Variants in SNX4 observed in about 807,000 individuals in gnomAD.
SNX4 encodes the protein sorting nexin-4.
SNX4 carries 49 observed loss-of-function variants against 70.8 expected under a neutral mutation model. That is an observed-to-expected ratio of 0.69 (90% CI 0.55 to 0.88). The LOEUF is 0.88. Ranked by LOEUF, SNX4 falls within the 40% of genes least tolerant of loss-of-function variation. The probability of loss-of-function intolerance (pLI) is 0.00; values close to 1 mark genes in which losing one functional copy is unlikely to be tolerated. For synonymous variants in SNX4, 206 were observed against 183.8 expected (o/e 1.12, Z -0.98); for missense variants, 528 against 544.8 (o/e 0.97, Z 0.31).
chr3:125,498,446 A>AG (rs1393131844), intron 2 of SNX4, among the ~76,000 whole-genome samples: 1 of 152,152 alleles, frequency 6.6e-6, no homozygotes, highest in Non-Finnish European at 1.5e-5. Flanking sequence ...CAGCCTCCTG[A>AG]GTAGCTGGGA....
In SNX4 at chr3:125,495,277, T is replaced by TATATATATATATATATATACACACAC; in HGVS notation, c.597+2063_597+2064insGTGTGTGTATATATATATATATATAT. ...ATATATATATATATATATATATATA[T>TATATATATATATATATATACACACAC]ACACATACACACACACACACGTATG... On this transcript the variant is annotated intron_variant, in intron 5 of 13. Transcript: ENST00000251775. Among the ~76,000 whole-genome samples the TATATATATATATATATATACACACAC allele has an allele frequency of 9.0e-5, 9 of 99,608 alleles. No individual in the cohort carries two copies. In the Admixed American group the frequency reaches 9.9e-4, roughly 11 times the overall value. The allele number at this position is 99,608 out of a possible 152,430, so 65.3% of individuals were successfully genotyped here.
At chr3:125,477,768 G>A (rs1352735113) in intron 7 of SNX4, among the ~76,000 whole-genome samples, 1 of 152,154 alleles carries the variant, frequency 6.6e-6, no homozygotes. Flanking sequence ...GTACCCACTA[G>A]ACTAGGGGTT....
At chr3:125,515,910 T>TA (rs1157440019) in intron 1 of SNX4, among the ~76,000 whole-genome samples, 10 of 152,280 alleles carry the variant, frequency 6.6e-5, no homozygotes, top group Admixed American at 6.5e-4. Flanking sequence ...AGTATGATTT[T>TA]ATCATCTGCT....
At chr3:125,477,137 T>A (rs1934305605) in intron 7 of SNX4, among the ~76,000 whole-genome samples, 1 of 152,176 alleles carries the variant, frequency 6.6e-6, no homozygotes, top group South Asian at 2.1e-4. Flanking sequence ...ATTCAGTTAT[T>A]CTTAATTTTT....
chr3:125,448,188 A>G (rs1440264824), intron 13 of SNX4, among the ~76,000 whole-genome samples: 1 of 151,514 alleles, frequency 6.6e-6, no homozygotes, highest in Non-Finnish European at 1.5e-5. Context: ...GCTGGAGTAT[A>G]ATCATGGCTC....
At chr3:125,482,906 T>C (rs1934446890) in intron 6 of SNX4, among the ~76,000 whole-genome samples, 1 of 152,086 alleles carries the variant, frequency 6.6e-6, no homozygotes, top group Non-Finnish European at 1.5e-5. Flanking sequence ...TCTCCCTTTA[T>C]ATCCAAGATG....
chr3:125,494,789 A>G (rs1345789757), intron 5 of SNX4, among the ~76,000 whole-genome samples: 1 of 152,130 alleles, frequency 6.6e-6, no homozygotes, highest in Non-Finnish European at 1.5e-5. Flanking sequence ...TGAGGCCTCC[A>G]GTTAACCATT....
At chr3:125,476,333 A>C (rs1206750783) in intron 8 of SNX4, among the ~76,000 whole-genome samples, 5 of 149,686 alleles carry the variant, frequency 3.3e-5, no homozygotes, top group Non-Finnish European at 4.4e-5. Flanking sequence ...GCACTTTCGG[A>C]GGCCTAGGCA....
At chr3:125,451,486 AGTTCTC>A in intron 12 of SNX4, 67 bp from the exon 13 acceptor site, 1 of 1,152,990 alleles carries the variant, frequency 8.7e-7, no homozygotes, top group South Asian at 1.4e-5. Flanking sequence ...AAAGTTAACC[AGTTCTC>A]ATTGGCGTTG....
chr3:125,492,424 CT>C lies in SNX4; in HGVS notation c.598-2962del, dbSNP rs918322329. Among the ~76,000 whole-genome samples the C allele has an allele frequency of 4.2e-4, 62 of 146,908 alleles. No individual in the cohort carries two copies. In the East Asian group the frequency reaches 6.6e-3, roughly 16 times the overall value. The stretch of plus-strand genomic sequence containing the variant: ...CCTGGTTTATAACTGTTGTCCTAAT[CT>C]TTTTTTTTTTCAAGACAGAGTCTTG... On this transcript the variant is annotated intron_variant, in intron 5 of 13. Transcript: ENST00000251775.
rs753507857 is a variant in SNX4, at chr3:125,520,117, G to C, written c.56C>G (p.Pro19Arg). 102 of 1,482,312 alleles carry C rather than the reference G, an allele frequency of 6.9e-5. No individual in the cohort carries two copies. Among genetic ancestry groups the C allele is most frequent in the Non-Finnish European group, 9.1e-5 (102 of 1,122,064 alleles). The allele number at this position is 1,482,312 out of a possible 1,614,324, so 91.8% of individuals were successfully genotyped here. Reference sequence around the variant, plus strand: ...CAGCCCAGCGTCTGGGGAGCCCAGCGGCTCCAAGGGCGCCGGCTGGAGCTG... The same window carrying C: ...CAGCCCAGCGTCTGGGGAGCCCAGCCGCTCCAAGGGCGCCGGCTGGAGCTG... ...ERQLQPAPLE[P>R]LGSPDAGLGA... The change falls in exon 1 of 14, where the codon CCG becomes CGG. Residue 19 changes from proline (P) to arginine (R), a missense_variant. By Grantham distance (103) the Pro-to-Arg change is moderately radical. This residue lies in a region of SNX4 where 341 missense variants were observed against 312.2 expected (regional missense o/e 1.09). Coordinates refer to ENST00000251775, the MANE Select transcript of SNX4 (RefSeq NM_003794.4).
At chr3:125,480,120 A>C (rs1048308675) in intron 7 of SNX4, 127 bp downstream of exon 7, 10 of 490,240 alleles carry the variant, frequency 2.0e-5, no homozygotes, top group Non-Finnish European at 3.6e-5. Flanking sequence ...TGGATGATGA[A>C]CATATAAATT....
intron 1 of SNX4, among the ~76,000 whole-genome samples, chr3:125,510,850 G>A (rs114141836): frequency 0.014 from 2,129 of 152,296 alleles, 39 homozygotes; most frequent in African/African-American, 0.047. Flanking sequence ...TACAATGTAC[G>A]TGAATGTACT....
chr3:125,514,112 C>T (rs1935224371), intron 1 of SNX4, among the ~76,000 whole-genome samples: 1 of 151,854 alleles, frequency 6.6e-6, no homozygotes, highest in Non-Finnish European at 1.5e-5. Flanking sequence ...TCCAAAGGCC[C>T]TTCCACCAAA....
At chr3:125,456,868 C>G (rs1006734412) in intron 11 of SNX4, among the ~76,000 whole-genome samples, 3 of 152,032 alleles carry the variant, frequency 2.0e-5, no homozygotes, top group African/African-American at 7.2e-5. Context: ...ACCATGTTGG[C>G]CAGGCTAATC....
intron 1 of SNX4, among the ~76,000 whole-genome samples, chr3:125,507,845 G>A (rs1045983593): frequency 2.6e-5 from 4 of 152,196 alleles, no homozygotes; most frequent in Non-Finnish European, 4.4e-5. Context: ...CCCAAGAGGC[G>A]GAGGTTGCAG....
chr3:125,488,868 T>G (rs552239859), intron 6 of SNX4, among the ~76,000 whole-genome samples: 1 of 152,332 alleles, frequency 6.6e-6, no homozygotes, highest in South Asian at 2.1e-4. Context: ...ATTTAAAGAT[T>G]AAGCAAAACC....
chr3:125,467,950 C>T (rs917818650), intron 9 of SNX4, among the ~76,000 whole-genome samples: 10 of 152,172 alleles, frequency 6.6e-5, no homozygotes, highest in Non-Finnish European at 1.2e-4. Context: ...CCTGTGTTCA[C>T]TGCAGCAGTA....
At chr3:125,505,676 C>T (rs1935030008) in intron 1 of SNX4, among the ~76,000 whole-genome samples, 1 of 152,198 alleles carries the variant, frequency 6.6e-6, no homozygotes, top group South Asian at 2.1e-4. Flanking sequence ...GCTGTTGCTC[C>T]TCCCCATGTT....
Sources: gnomAD v4.1 joint callset for allele counts (sites outside exome capture counted in the v4.1 genomes callset) on GRCh38, gnomAD v4.1.1 for gene constraint, gnomAD v4.1.1 regional missense constraint, MANE v1.5 for transcripts, NCBI Gene and HGNC (gene_info 2026-07-23, HGNC 2026-07-21) for gene names.